Variants in ACTN1 observed in about 807,000 individuals in gnomAD.
The protein encoded by ACTN1 is alpha-actinin-1.
In ACTN1, 30 loss-of-function variants were observed where a neutral mutation model predicts 119.6. The ratio of observed to expected loss-of-function variants is 0.25; its 90% confidence interval spans 0.19 to 0.34. ACTN1 has a LOEUF of 0.34. ACTN1 is among the 10% of genes least tolerant of loss of function. The pLI is 1.00. For synonymous variants in ACTN1, 429 were observed against 472.6 expected (o/e 0.91, Z 1.20); for missense variants, 764 against 1,223.4 (o/e 0.62, Z 5.60).
In ACTN1 at chr14:68,878,842, GCAGA is replaced by G. The variant is rs779242330; in HGVS notation, c.2361+143_2361+146del. ...GGGCAGAGGGTGGACCAGTGATGGG[GCAGA>G]CAGAGACAGCAGGAGAGGACGAGCC... On this transcript the variant is annotated intron_variant, in intron 19 of 21. Coordinates refer to ENST00000394419, the MANE Select transcript of ACTN1 (RefSeq NM_001130004.2). The surrounding 1 kb of genome is among the most constrained non-coding windows in gnomAD (Gnocchi z 4.4). 2.4e-4 allele frequency: 388 copies of G among 1,595,330 alleles called. 1 individual carries two copies. The highest frequency in any genetic ancestry group is 6.6e-4 in the Middle Eastern group (4 of 6,068).
rs568737651 is a variant in ACTN1 at position 68,941,328 on chromosome 14, G to A, written c.106-15656C>T. On this transcript the variant is annotated intron_variant, in intron 1 of 21. Coordinates refer to ENST00000394419, the MANE Select transcript of ACTN1 (RefSeq NM_001130004.2). ...GGGCTTGTTAAAATACAGATTGCTG[G>A]GCCCCACCGCCAGTTTCTGATTCCA... 7.9e-5 allele frequency among the ~76,000 whole-genome samples: 12 copies of A among 152,294 alleles called. No homozygotes were observed. The East Asian group carries it at 2.3e-3, about 29-fold the overall frequency.
At chr14:68,889,175 G>A (rs2032275952) in intron 11 of ACTN1, among the ~76,000 whole-genome samples, 1 of 152,284 alleles carries the variant, frequency 6.6e-6, no homozygotes, top group South Asian at 2.1e-4. Flanking sequence ...TCCTAGGTAT[G>A]ATCCTCTCTC....
At chr14:68,887,263 A>G (rs371370924) in intron 11 of ACTN1, 102 of 325,944 alleles carry the variant, frequency 3.1e-4, no homozygotes, top group African/African-American at 2.2e-3. Flanking sequence ...CTTTCACAGC[A>G]CAGTGACAAA....
chr14:68,976,124 T>C (rs1431950410), intron 1 of ACTN1, among the ~76,000 whole-genome samples: 1 of 152,226 alleles, frequency 6.6e-6, no homozygotes, highest in Non-Finnish European at 1.5e-5. Context: ...AAGTATTTGC[T>C]GAATGACCTA....
chr14:68,945,435 C>T (rs1028865266), intron 1 of ACTN1, among the ~76,000 whole-genome samples: 1 of 152,112 alleles, frequency 6.6e-6, no homozygotes, highest in African/African-American at 2.4e-5. Context: ...GGGGCTGTGG[C>T]GGGCTGAGTT....
intron 1 of ACTN1, among the ~76,000 whole-genome samples, chr14:68,966,203 C>A (rs751922250): frequency 6.6e-6 from 1 of 151,984 alleles, no homozygotes; most frequent in Non-Finnish European, 1.5e-5. Flanking sequence ...GGTGACAGAG[C>A]GAGACCCTGT....
At chr14:68,976,234 C>A (rs551670489) in intron 1 of ACTN1, among the ~76,000 whole-genome samples, 1 of 152,300 alleles carries the variant, frequency 6.6e-6, no homozygotes, top group East Asian at 1.9e-4. Context: ...TACCGGGTGA[C>A]CTTTGTATCC....
At chr14:68,974,303 T>C (rs1385985146) in intron 1 of ACTN1, 1 of 152,704 alleles carries the variant, frequency 6.5e-6, no homozygotes, top group African/African-American at 2.4e-5. Context: ...ACAATGAAGC[T>C]AGGCATAGTG....
At chr14:68,912,740 G>A (rs990040436) in intron 3 of ACTN1, among the ~76,000 whole-genome samples, 1 of 152,012 alleles carries the variant, frequency 6.6e-6, no homozygotes, top group African/African-American at 2.4e-5. Flanking sequence ...TCTATTTGGG[G>A]CACAAAAAAA....
rs757763292 is a variant in ACTN1, at chr14:68,878,737, C to CA, written c.2362-215dup. On this transcript the variant is annotated intron_variant, in intron 19 of 21. Transcript: ENST00000394419. The surrounding 1 kb of genome is among the most constrained non-coding windows in gnomAD (Gnocchi z 4.4). ...AGGAGGAAGACAGAGCAGGGAGATG[C>CA]AAAAATCCACCCATGGGATGAAGAG... is the stretch of plus-strand genomic sequence containing the variant. 110 of 1,537,992 alleles carry CA rather than the reference C, an allele frequency of 7.2e-5. 2 individuals carry two copies. In the South Asian group the frequency reaches 1.2e-3, roughly 17 times the overall value.
intron 1 of ACTN1, among the ~76,000 whole-genome samples, chr14:68,941,364 C>A (rs995313658): frequency 1.2e-4 from 18 of 152,192 alleles, no homozygotes; most frequent in Non-Finnish European, 2.4e-4. Context: ...AAGTTCTAGG[C>A]CGGCAGAGAA....
intron 1 of ACTN1, among the ~76,000 whole-genome samples, chr14:68,939,771 G>T (rs1398915930): frequency 6.6e-6 from 1 of 152,192 alleles, no homozygotes; most frequent in African/African-American, 2.4e-5. Flanking sequence ...TGGGTTAATT[G>T]TATGGGTATG....
At chr14:68,958,943 C>T (rs573101616) in intron 1 of ACTN1, among the ~76,000 whole-genome samples, 50 of 152,292 alleles carry the variant, frequency 3.3e-4, no homozygotes, top group African/African-American at 1.1e-3. Flanking sequence ...GTGGGCCAGG[C>T]TCTCATTTTC....
At chr14:68,960,574 T>C (rs2140602455) in intron 1 of ACTN1, among the ~76,000 whole-genome samples, 1 of 152,148 alleles carries the variant, frequency 6.6e-6, no homozygotes, top group East Asian at 1.9e-4. Flanking sequence ...TTAACAATTG[T>C]CTCACCTCCA....
At chr14:68,899,615 CCATA>C (rs1358867792) in intron 8 of ACTN1, among the ~76,000 whole-genome samples, 1 of 152,052 alleles carries the variant, frequency 6.6e-6, no homozygotes, top group African/African-American at 2.4e-5. Context: ...CCCCCCATAC[CCATA>C]CATACCACAC....
Position 68,885,472 on chromosome 14 carries a change from G to T in ACTN1, c.1338C>A (p.Ala446=), listed in dbSNP as rs761570952. The change falls in exon 12 of 22, where the codon GCC becomes GCA. Residue 446 remains alanine (A), a synonymous_variant. Coordinates refer to ENST00000394419, the MANE Select transcript of ACTN1 (RefSeq NM_001130004.2). This position sits in a 1 kb window ranked among gnomAD's most constrained non-coding sequence, Gnocchi z 5.6. The part of the protein sequence containing the change: ...KHEAFESDLA[A]HQDRVEQIAA... The stretch of plus-strand genomic sequence containing the variant: ...CAATCTGCTCCACACGGTCCTGGTG[G>T]GCAGCCAGGTCACTCTCGAAGGCCT... 9.9e-6 allele frequency: 16 copies of T among 1,613,936 alleles called. No homozygotes were observed. Among genetic ancestry groups the T allele is most frequent in the Non-Finnish European group, 1.4e-5 (16 of 1,180,024 alleles).
chr14:68,875,043 G>A lies in ACTN1; in HGVS notation c.2587-26C>T, dbSNP rs752352598. 205 of 1,609,914 alleles carry A rather than the reference G, an allele frequency of 1.3e-4. No homozygotes were observed. The highest frequency in any genetic ancestry group is 1.4e-4 in the Non-Finnish European group (166 of 1,179,732). On this transcript the variant is annotated intron_variant, in intron 21 of 21. Coordinates refer to ENST00000394419, the MANE Select transcript of ACTN1 (RefSeq NM_001130004.2). ...CTGCGAGGAGAGAGTGGTCAGGAAG[G>A]CCGCAAAGTCCAGCAGCCGTAAAGC... is the stretch of plus-strand genomic sequence containing the variant.
At chr14:68,927,711 G>A (rs544394302) in intron 1 of ACTN1, among the ~76,000 whole-genome samples, 7 of 152,332 alleles carry the variant, frequency 4.6e-5, no homozygotes, top group Middle Eastern at 6.8e-3. Flanking sequence ...TCCTTCCTCC[G>A]CTGCTGGCAC....
At chr14:68,934,386 A>G (rs1041214607) in intron 1 of ACTN1, among the ~76,000 whole-genome samples, 10 of 152,248 alleles carry the variant, frequency 6.6e-5, no homozygotes, top group African/African-American at 1.9e-4. Context: ...GTGGTTAGAC[A>G]TGTCACGCAC....
Sources: gnomAD v4.1 joint callset for allele counts (sites outside exome capture counted in the v4.1 genomes callset) on GRCh38, gnomAD v4.1.1 for gene constraint, Gnocchi (gnomAD v3.1) non-coding constraint, MANE v1.5 for transcripts, NCBI Gene and HGNC (gene_info 2026-07-23, HGNC 2026-07-21) for gene names.